ERFL: variants seen among roughly 807,000 people sequenced by gnomAD.
The protein encoded by ERFL is ETS domain-containing transcription factor ERF-like.
A neutral mutation model predicts 27.9 loss-of-function variants in ERFL; 8 were observed. The observed-to-expected ratio is 0.29, with a 90% CI of 0.17 to 0.52. ERFL has a LOEUF of 0.52. Among genes scored for constraint, ERFL ranks in the 20% least tolerant of loss-of-function variants. ERFL has a pLI of 0.97. For missense variants in ERFL, 294 were observed against 444.4 expected (o/e 0.66, Z 3.04); for synonymous variants, 174 against 202.8 (o/e 0.86, Z 1.21).
At chr19:41,915,270 G>A (rs770738023) in intron 1 of ERFL, among the ~76,000 whole-genome samples, 34 of 149,804 alleles carry the variant, frequency 2.3e-4, no homozygotes, top group East Asian at 4.0e-4. Flanking sequence ...CTGCTCCCAC[G>A]CTCCCCCCGC....
At chr19:41,912,963 G>C (rs1393335320) in intron 1 of ERFL, 31 bp from the exon 2 acceptor site, 4 of 1,049,674 alleles carry the variant, frequency 3.8e-6, no homozygotes, top group African/African-American at 1.6e-5. Flanking sequence ...ACACGGGGAC[G>C]GGGTGGGCAG....
intron 1 of ERFL, chr19:41,923,286 G>A (rs1016803527): frequency 1.7e-5 from 7 of 405,866 alleles, no homozygotes; most frequent in Non-Finnish European, 3.0e-5. Flanking sequence ...ACAGAGCAAG[G>A]GCCAGAGACA....
In ERFL at chr19:41,914,702, C is replaced by T. The variant is rs112334487; in HGVS notation, c.-13-1770G>A. Among the ~76,000 whole-genome samples the T allele has an allele frequency of 7.7e-4, 12 of 15,568 alleles. 1 individual carries two copies. The highest frequency in any genetic ancestry group is 9.5e-4 in the Non-Finnish European group (9 of 9,436). 10.2% of individuals were successfully genotyped at this position (15,568 alleles called of 152,430 possible). ...TCCACCATCTCTGTCTCTCCCTCCC[C>T]TTCCACCATCTCTGTCTCTCCCTCC... On this transcript the variant is annotated intron_variant, in intron 1 of 5. Coordinates refer to ENST00000597630, the MANE Select transcript of ERFL (RefSeq NM_001365103.2).
At chr19:41,914,419 C>G (rs1431804020) in intron 1 of ERFL, among the ~76,000 whole-genome samples, 1 of 151,862 alleles carries the variant, frequency 6.6e-6, no homozygotes, top group African/African-American at 2.4e-5. Flanking sequence ...ATCTCCTCCT[C>G]CACCCCTCAG....
rs2074740524 is a variant in ERFL at position 41,909,445 on chromosome 19, T to C, written c.329A>G (p.His110Arg). The change falls in exon 4 of 6, where the codon CAC (histidine) becomes CGC (arginine). Residue 110 changes from histidine to arginine, a missense_variant. By Grantham distance (29) the His-to-Arg change is conservative (BLOSUM62 0). Transcript: ENST00000597630. The surrounding 1 kb of genome is among the most constrained non-coding windows in gnomAD (Gnocchi z 5.2). ...GGTGAACCTCTTCCCTTTGGTCTTGTGGAGAATCCGCTTGTTGTAGTAGTA... is the reference window on the plus strand; with the variant it reads ...GGTGAACCTCTTCCCTTTGGTCTTGCGGAGAATCCGCTTGTTGTAGTAGTA... ...LRYYYNKRIL[H>R]KTKGKRFTYK... 1 of 1,239,252 alleles carries C rather than the reference T, an allele frequency of 8.1e-7. No homozygotes were observed. Among genetic ancestry groups the C allele is most frequent in the Non-Finnish European group, 1.0e-6 (1 of 991,478 alleles). 76.8% of individuals were successfully genotyped at this position (1,239,252 alleles called of 1,614,324 possible).
intron 1 of ERFL, among the ~76,000 whole-genome samples, chr19:41,920,104 A>G (rs73550651): frequency 0.26 from 27,790 of 108,678 alleles, 7,409 homozygotes; most frequent in African/African-American, 0.7. Flanking sequence ...ACAGACATAC[A>G]CTCACAGACA....
intron 1 of ERFL, among the ~76,000 whole-genome samples, chr19:41,925,351 A>T (rs868927862): frequency 6.6e-6 from 1 of 152,004 alleles, no homozygotes; most frequent in South Asian, 2.1e-4. Context: ...GATAGAGAGT[A>T]CCTGAGGGAC....
rs1273714273 is a variant in ERFL, at chr19:41,916,307, A to T, written c.-13-3375T>A. ...AAAGTCACACACAGCACCACGTCCC[A>T]CACAACACATCACACACACCAACAA... On this transcript the variant is annotated intron_variant, in intron 1 of 5. Transcript: ENST00000597630. This position sits in a 1 kb window ranked among gnomAD's most constrained non-coding sequence, Gnocchi z 5.4. Among the ~76,000 whole-genome samples, 1 of 151,898 alleles carries T rather than the reference A, an allele frequency of 6.6e-6. No individual in the cohort carries two copies. The highest frequency in any genetic ancestry group is 2.4e-5 in the African/African-American group (1 of 41,360).
At chr19:41,919,371 CAT>C (rs1199295514) in intron 1 of ERFL, among the ~76,000 whole-genome samples, 1 of 152,298 alleles carries the variant, frequency 6.6e-6, no homozygotes, top group South Asian at 2.1e-4. Context: ...ACCACACAAA[CAT>C]ACACAATCAA....
In ERFL at chr19:41,910,007, T is replaced by C. The variant is rs1299808950; in HGVS notation, c.158A>G (p.Gln53Arg). 1.9e-6 allele frequency: 3 copies of C among 1,613,750 alleles called. No homozygotes were observed. Among genetic ancestry groups the C allele is most frequent in the African/African-American group, 1.3e-5 (1 of 75,046 alleles). Reference protein sequence around the residue: ...QLWHFILELLQKEEYQGVIAW... With the variant: ...QLWHFILELLRKEEYQGVIAW... ...TATGACGCCCTGGTACTCCTCCTTCTGCAGCAGCTCCAGGATAAAGTGCCA... is the reference window on the plus strand; with the variant it reads ...TATGACGCCCTGGTACTCCTCCTTCCGCAGCAGCTCCAGGATAAAGTGCCA... The change falls in exon 3 of 6, where the codon CAG becomes CGG. Residue 53 changes from glutamine to arginine, a missense_variant. Around this residue, in one of 3 missense-constraint regions of ERFL, gnomAD observed 10 missense variants for 37.7 expected, o/e 0.27. Coordinates refer to ENST00000597630, the MANE Select transcript of ERFL (RefSeq NM_001365103.2). This position sits in a 1 kb window ranked among gnomAD's most constrained non-coding sequence, Gnocchi z 4.4.
In ERFL at chr19:41,917,011, T is replaced by C. The variant is rs568940086; in HGVS notation, c.-13-4079A>G. 6.6e-6 allele frequency among the ~76,000 whole-genome samples: 1 copy of C among 151,028 alleles called. No homozygotes were observed. Among genetic ancestry groups the C allele is most frequent in the African/African-American group, 2.4e-5 (1 of 41,048 alleles). On this transcript the variant is annotated intron_variant, in intron 1 of 5. Coordinates refer to ENST00000597630, the MANE Select transcript of ERFL (RefSeq NM_001365103.2). The surrounding 1 kb of genome is among the most constrained non-coding windows in gnomAD (Gnocchi z 4.8). ...CTTCCCAAGCATGTCTCTGCATGGG[T>C]GTGTGTGTGTGTGTGCACATATGTG... is the stretch of plus-strand genomic sequence containing the variant.
At chr19:41,926,712 G>T (rs566432120) in intron 1 of ERFL, among the ~76,000 whole-genome samples, 10 of 152,258 alleles carry the variant, frequency 6.6e-5, no homozygotes, top group African/African-American at 2.4e-4. Flanking sequence ...GCGGCCGGCC[G>T]GGAGGGGGGA....
chr19:41,926,371 A>G (rs1469782341), intron 1 of ERFL, among the ~76,000 whole-genome samples: 1 of 152,060 alleles, frequency 6.6e-6, no homozygotes, highest in African/African-American at 2.4e-5. Flanking sequence ...GTATGAGGAG[A>G]TAGATGTTAC....
rs2053984259 is a variant in ERFL at position 41,917,028 on chromosome 19, A to T, written c.-13-4096T>A. ...TGCATGGGTGTGTGTGTGTGTGTGCACATATGTGACACGTGCCCTTGTCTC... is the reference window on the plus strand; with the variant it reads ...TGCATGGGTGTGTGTGTGTGTGTGCTCATATGTGACACGTGCCCTTGTCTC... On this transcript the variant is annotated intron_variant, in intron 1 of 5. Transcript: ENST00000597630. The surrounding 1 kb of genome is among the most constrained non-coding windows in gnomAD (Gnocchi z 4.8). Among the ~76,000 whole-genome samples the T allele has an allele frequency of 6.6e-6, 1 of 151,820 alleles. No homozygotes were observed. The highest frequency in any genetic ancestry group is 6.6e-5 in the Admixed American group (1 of 15,266).
intron 1 of ERFL, among the ~76,000 whole-genome samples, chr19:41,927,400 C>G (rs2074877977): frequency 6.6e-6 from 1 of 152,100 alleles, no homozygotes; most frequent in Non-Finnish European, 1.5e-5. Context: ...CCCCAGATAT[C>G]CAGATCCAAA....
rs73550637 is a variant in ERFL at position 41,917,937 on chromosome 19, T to C, written c.-13-5005A>G. 0.24 allele frequency among the ~76,000 whole-genome samples: 35,968 copies of C among 151,416 alleles called. 8,752 individuals are homozygous for C. The highest frequency in any genetic ancestry group is 0.63 in the African/African-American group (25,755 of 41,002). ...CGCGGTCACACACTGTGTGTGTGTGTGCTCACACACCTGTCCGTCCAGACT... is the reference window on the plus strand; with the variant it reads ...CGCGGTCACACACTGTGTGTGTGTGCGCTCACACACCTGTCCGTCCAGACT... On this transcript the variant is annotated intron_variant, in intron 1 of 5. Transcript: ENST00000597630. This position sits in a 1 kb window ranked among gnomAD's most constrained non-coding sequence, Gnocchi z 4.8.
At chr19:41,915,826 G>A (rs762177449) in intron 1 of ERFL, among the ~76,000 whole-genome samples, 14 of 152,032 alleles carry the variant, frequency 9.2e-5, no homozygotes, top group African/African-American at 2.4e-4. Flanking sequence ...CGCGGCCTGC[G>A]GGGCCTGGGG....
intron 1 of ERFL, among the ~76,000 whole-genome samples, chr19:41,925,001 C>T (rs75702631): frequency 0.027 from 4,039 of 152,074 alleles, 177 homozygotes; most frequent in African/African-American, 0.091. Flanking sequence ...AAAGGGACTC[C>T]GGTCACATGG....
chr19:41,926,218 A>C (rs2074869673), intron 1 of ERFL, among the ~76,000 whole-genome samples: 1 of 151,422 alleles, frequency 6.6e-6, no homozygotes, highest in African/African-American at 2.4e-5. Context: ...GAGGGGACGT[A>C]TGCTCCCCGA....
Sources: allele counts gnomAD v4.1 joint callset (sites outside exome capture counted in the v4.1 genomes callset), GRCh38; gene constraint gnomAD v4.1.1; regional missense constraint gnomAD v4.1.1; non-coding constraint Gnocchi (gnomAD v3.1); transcripts MANE v1.5; gene names NCBI Gene and HGNC (gene_info 2026-07-23, HGNC 2026-07-21).